The following AOX1 variants were observed in gnomAD, a reference collection of about 807,000 sequenced individuals.
AOX1 encodes the protein aldehyde oxidase.
In AOX1, 153 loss-of-function variants were observed where a neutral mutation model predicts 169.5. The observed-to-expected ratio is 0.90, with a 90% CI of 0.79 to 1.03. The LOEUF (loss-of-function observed/expected upper bound fraction) is 1.03, where lower values mean the gene tolerates loss of function less well. Ranked by LOEUF, AOX1 falls within the 50% of genes least tolerant of loss-of-function variation. AOX1 has a pLI of 0.00. For synonymous variants in AOX1, 562 were observed against 581.9 expected (o/e 0.97, Z 0.49); for missense variants, 1,656 against 1,663.9 (o/e 1.00, Z 0.08).
chr2:200,643,799 C>G (rs2035401492), intron 25 of AOX1, among the ~76,000 whole-genome samples: 1 of 152,166 alleles, frequency 6.6e-6, no homozygotes, highest in African/African-American at 2.4e-5. Context: ...TTGCATTTCC[C>G]TGATCATTAG....
intron 16 of AOX1, among the ~76,000 whole-genome samples, chr2:200,617,523 C>A (rs2034788639): frequency 1.4e-5 from 2 of 145,750 alleles, no homozygotes; most frequent in Non-Finnish European, 3.0e-5. Flanking sequence ...ATATCTTTGA[C>A]GGTAGGACAA....
rs984287134 is a variant in AOX1 at position 200,645,614 on chromosome 2, T to C, written c.2847+2813T>C. On this transcript the variant is annotated intron_variant, in intron 25 of 34. Transcript: ENST00000374700. The stretch of plus-strand genomic sequence containing the variant: ...GAATTTACTTAAGGTTCCTTCTTTC[T>C]CTATCTTGTGGAATAGTATCAAAAG... Among the ~76,000 whole-genome samples the C allele has an allele frequency of 2.0e-5, 3 of 152,162 alleles. No homozygotes were observed. In the South Asian group the frequency reaches 6.2e-4, roughly 31 times the overall value.
intron 1 of AOX1, among the ~76,000 whole-genome samples, chr2:200,590,571 A>G (rs1224071346): frequency 6.6e-6 from 1 of 152,074 alleles, no homozygotes; most frequent in African/African-American, 2.4e-5. Context: ...CAAAACAACA[A>G]CAACAACAAC....
chr2:200,649,556 G>A (rs538879711), intron 25 of AOX1, among the ~76,000 whole-genome samples: 5 of 152,186 alleles, frequency 3.3e-5, no homozygotes, highest in East Asian at 1.9e-4. Flanking sequence ...GCTAAAATTC[G>A]GCGAACTTCC....
intron 32 of AOX1, 67 bp downstream of exon 32, chr2:200,666,819 G>C: frequency 8.9e-7 from 1 of 1,119,690 alleles, no homozygotes. Context: ...GTCTGCAGGA[G>C]AGCATTCCAT....
chr2:200,641,059 G>T (rs1178318717), intron 23 of AOX1, 39 bp from the exon 24 acceptor site: 34 of 1,495,664 alleles, frequency 2.3e-5, no homozygotes, highest in Non-Finnish European at 3.2e-5. Flanking sequence ...GAGAGACTTG[G>T]CCCCTGTTCC....
In AOX1 at chr2:200,634,914, A is replaced by G; in HGVS notation, c.2345A>G (p.Gln782Arg). 6.2e-7 allele frequency: 1 copy of G among 1,613,880 alleles called. No individual in the cohort carries two copies. Among genetic ancestry groups the G allele is most frequent in the Non-Finnish European group, 8.5e-7 (1 of 1,179,840 alleles). ...TCCACACAGTTTCCCAAATATATAC[A>G]GGTAACATGGGGCCATTGTGGAGAG... is the stretch of plus-strand genomic sequence containing the variant. The part of the protein sequence containing the change: ...YVSTQFPKYI[Q>R]DIVASTLKLP... Residue 782 changes from glutamine to arginine, a missense_variant and splice_region_variant, in exon 21 of 35, where the codon CAG (glutamine) becomes CGG (arginine). Physicochemically the swap from Gln to Arg is conservative, Grantham distance 43. Coordinates refer to ENST00000374700, the MANE Select transcript of AOX1 (RefSeq NM_001159.4).
chr2:200,624,097 C>A (rs148040218), intron 19 of AOX1, 114 bp downstream of exon 19: 52 of 1,294,674 alleles, frequency 4.0e-5, no homozygotes, highest in Middle Eastern at 2.0e-4. Flanking sequence ...CCAAAGCACA[C>A]GGACTTTATT....
At chr2:200,663,545 A>AACACACAC (rs530782102) in intron 31 of AOX1, among the ~76,000 whole-genome samples, 3,729 of 117,730 alleles carry the variant, frequency 0.032, 155 homozygotes, top group African/African-American at 0.1. Context: ...CATACACACA[A>AACACACAC]ACACACACAC....
In AOX1 at chr2:200,620,203, T is replaced by G. The variant is rs1337536452; in HGVS notation, c.1705-447T>G. On this transcript the variant is annotated intron_variant, in intron 16 of 34. Transcript: ENST00000374700. ...TCTTGGTGTTATTAATAGTGACTTT[T>G]TTTTTTTTTTTTTTTGATGGCGTCT... Among the ~76,000 whole-genome samples, 338 of 148,362 alleles carry G rather than the reference T, an allele frequency of 2.3e-3. 1 individual carries two copies. The highest frequency in any genetic ancestry group is 7.9e-3 in the African/African-American group (319 of 40,590).
rs1290810957 is a variant in AOX1 at position 200,603,359 on chromosome 2, C to A, written c.588+3C>A. Reference sequence around the variant, plus strand: ...CAGAATTTGAGGAAGGAAGTAAGGTCAGTGAAATGTAAAGCTTTTATAAGG... The same window carrying A: ...CAGAATTTGAGGAAGGAAGTAAGGTAAGTGAAATGTAAAGCTTTTATAAGG... On this transcript the variant is annotated splice_donor_region_variant and intron_variant, in intron 7 of 34. Coordinates refer to ENST00000374700, the MANE Select transcript of AOX1 (RefSeq NM_001159.4). 6 of 1,610,128 alleles carry A rather than the reference C, an allele frequency of 3.7e-6. No homozygotes were observed. In the South Asian group the frequency reaches 5.5e-5, roughly 15 times the overall value.
At chr2:200,657,205 T>TTTTTTTTTA (rs10667351) in intron 27 of AOX1, among the ~76,000 whole-genome samples, 1 of 134,366 alleles carries the variant, frequency 7.4e-6, no homozygotes, top group Non-Finnish European at 1.6e-5. Context: ...TTTTTTTTTT[T>TTTTTTTTTA]AATTAGCAGG....
intron 28 of AOX1, 114 bp downstream of exon 28, chr2:200,659,407 C>T: frequency 8.2e-7 from 1 of 1,226,806 alleles, no homozygotes; most frequent in South Asian, 1.5e-5. Context: ...CCTTCCCCAT[C>T]TTGCCCTCAG....
intron 25 of AOX1, among the ~76,000 whole-genome samples, chr2:200,650,555 C>G (rs1325643605): frequency 6.6e-6 from 1 of 152,204 alleles, no homozygotes; most frequent in Non-Finnish European, 1.5e-5. Context: ...TTTAAACGAA[C>G]TTTCATGCTT....
intron 10 of AOX1, among the ~76,000 whole-genome samples, chr2:200,607,131 C>G (rs1026996812): frequency 9.9e-5 from 15 of 152,058 alleles, no homozygotes; most frequent in African/African-American, 3.6e-4. Context: ...TCACAAATAG[C>G]TCTTATTATT....
chr2:200,657,127 C>T (rs2035704668), intron 27 of AOX1, among the ~76,000 whole-genome samples, 190 bp downstream of exon 27: 1 of 139,812 alleles, frequency 7.2e-6, no homozygotes, highest in African/African-American at 2.7e-5. Context: ...AGTTCGAGAC[C>T]AGCCCAGGGA....
intron 25 of AOX1, among the ~76,000 whole-genome samples, chr2:200,648,958 G>A (rs2035522523): frequency 6.6e-6 from 1 of 152,108 alleles, no homozygotes; most frequent in South Asian, 2.1e-4. Flanking sequence ...ACAGCCCTGA[G>A]TTTGTTTGCA....
At chr2:200,634,164 A>ATTTTTTTT (rs58341876) in intron 20 of AOX1, among the ~76,000 whole-genome samples, 268 of 84,990 alleles carry the variant, frequency 3.2e-3, no homozygotes, top group East Asian at 8.9e-3. Flanking sequence ...TTTCTTGAGG[A>ATTTTTTTT]TTTTTTTTTT....
chr2:200,619,078 G>T (rs2034827002), intron 16 of AOX1, among the ~76,000 whole-genome samples: 1 of 152,150 alleles, frequency 6.6e-6, no homozygotes, highest in Non-Finnish European at 1.5e-5. Context: ...GCACATTCTG[G>T]TAATCAAATA....
Sources: allele counts gnomAD v4.1 joint callset (sites outside exome capture counted in the v4.1 genomes callset), GRCh38; gene constraint gnomAD v4.1.1; transcripts MANE v1.5; gene names NCBI Gene and HGNC (gene_info 2026-07-23, HGNC 2026-07-21).